The following USPL1 variants were observed in gnomAD, a reference collection of about 807,000 sequenced individuals.
USPL1 encodes ubiquitin specific peptidase like 1, also known as SUMO-specific isopeptidase USPL1.
In USPL1, 27 loss-of-function variants were observed where a neutral mutation model predicts 51.5. That is an observed-to-expected ratio of 0.52 (90% confidence interval 0.39 to 0.72). USPL1 has a LOEUF of 0.72. Ranked by LOEUF, USPL1 falls within the 30% of genes least tolerant of loss-of-function variation. USPL1 has a pLI of 0.00. For synonymous variants in USPL1, 451 were observed against 459.6 expected, an observed-to-expected ratio of 0.98 and a Z score of 0.24; for missense variants, 1,226 against 1,268.0, an observed-to-expected ratio of 0.97 and a Z score of 0.50.
chr13:30,634,481 T>A (rs1446316162), intron 4 of USPL1, among the ~76,000 whole-genome samples: 1 of 152,234 alleles, frequency 6.6e-6, no homozygotes, highest in East Asian at 1.9e-4. Context: ...TAATTTAGTT[T>A]GTTTTGATCT....
chr13:30,646,900 G>A lies in USPL1; in HGVS notation c.1113-32G>A, dbSNP rs761290630. The A allele has an allele frequency of 4.2e-5, 66 of 1,589,932 alleles. No individual in the cohort carries two copies. In the Admixed American group the frequency reaches 8.2e-4, roughly 20 times the overall value. ...TTAAATTAATGTAAATGCATTTAAC[G>A]TTAATGAATTTGTTATGTCATTTTT... On this transcript the variant is annotated intron_variant, in intron 6 of 8. Coordinates refer to ENST00000255304, the MANE Select transcript of USPL1 (RefSeq NM_005800.5).
rs1352526986 is a variant in USPL1, at chr13:30,659,144, G to T, written c.3067G>T (p.Asp1023Tyr). Residue 1023 changes from aspartate (D) to tyrosine (Y), a missense_variant, in exon 9 of 9, where the codon GAC becomes TAC. Asp to Tyr is a radical substitution (Grantham distance 160, BLOSUM62 -3). Coordinates refer to ENST00000255304, the MANE Select transcript of USPL1 (RefSeq NM_005800.5). ...DVSQNTHLRQ[D>Y]HNYCSPTKKN... ...TTCCCAGAACACACATCTGAGACAG[G>T]ACCATAATTATTGTAGCCCCACCAA... 1 of 1,614,018 alleles carries T rather than the reference G, an allele frequency of 6.2e-7. No individual in the cohort carries two copies. The highest frequency in any genetic ancestry group is 1.3e-5 in the African/African-American group (1 of 74,978).
intron 3 of USPL1, among the ~76,000 whole-genome samples, chr13:30,624,627 A>C (rs1950687943): frequency 6.6e-6 from 1 of 152,102 alleles, no homozygotes; most frequent in South Asian, 2.1e-4. Flanking sequence ...GTCTCTATTA[A>C]AAGAAAAAAA....
chr13:30,658,900 GC>G lies in USPL1; in HGVS notation c.2824del (p.Leu942TyrfsTer31). 6.2e-7 allele frequency: 1 copy of G among 1,614,160 alleles called. No homozygotes were observed. The highest frequency in any genetic ancestry group is 1.1e-5 in the South Asian group (1 of 91,086). On this transcript the variant is annotated frameshift_variant, in exon 9 of 9. Coordinates refer to ENST00000255304, the MANE Select transcript of USPL1 (RefSeq NM_005800.5). LOFTEE classifies it low-confidence loss of function (END_TRUNC). ...CESIEDLLNE[L>X]PYPIDIASES... Reference sequence around the variant, plus strand: ...AATCAATAGAGGACTTGTTAAATGAGCTACCATATCCAATTGATATTGCCAG... The same window carrying G: ...AATCAATAGAGGACTTGTTAAATGAGTACCATATCCAATTGATATTGCCAG...
rs1006151436 is a variant in USPL1, at chr13:30,639,128, A to G, written c.982+1271A>G. Reference sequence around the variant, plus strand: ...CTACTCGGGAGGCTGAGGCAGGAGAATCGCTTGAACTTGGGAGACAGAGGT... The same window carrying G: ...CTACTCGGGAGGCTGAGGCAGGAGAGTCGCTTGAACTTGGGAGACAGAGGT... On this transcript the variant is annotated intron_variant, in intron 5 of 8. Coordinates refer to ENST00000255304, the MANE Select transcript of USPL1 (RefSeq NM_005800.5). Among the ~76,000 whole-genome samples the G allele has an allele frequency of 1.4e-3, 215 of 151,544 alleles. 1 individual carries two copies. The highest frequency in any genetic ancestry group is 5.1e-3 in the African/African-American group (210 of 41,420).
intron 8 of USPL1, among the ~76,000 whole-genome samples, chr13:30,655,363 A>G (rs975234194): frequency 5.9e-5 from 9 of 152,234 alleles, no homozygotes; most frequent in African/African-American, 2.2e-4. Flanking sequence ...ATACCTTAAC[A>G]TTAACCAGCC....
At chr13:30,631,549 G>C (rs1334236362) in intron 4 of USPL1, 75 bp downstream of exon 4, 3 of 1,388,710 alleles carry the variant, frequency 2.2e-6, no homozygotes, top group Non-Finnish European at 2.9e-6. Flanking sequence ...CACCCAGGCT[G>C]GAGTGCAGTG....
chr13:30,655,027 C>T (rs974057161), intron 8 of USPL1, among the ~76,000 whole-genome samples: 2 of 151,880 alleles, frequency 1.3e-5, no homozygotes, highest in African/African-American at 4.8e-5. Context: ...CCACGTCTGC[C>T]TCCCGGGTTC....
chr13:30,629,820 T>A (rs910326798), intron 3 of USPL1, among the ~76,000 whole-genome samples: 4 of 152,080 alleles, frequency 2.6e-5, no homozygotes, highest in Non-Finnish European at 5.9e-5. Context: ...TCAAAGCTAG[T>A]CACAGGGCCA....
chr13:30,618,395 TTTG>T (rs1276156299), intron 1 of USPL1, among the ~76,000 whole-genome samples: 1 of 151,942 alleles, frequency 6.6e-6, no homozygotes, highest in Non-Finnish European at 1.5e-5. Flanking sequence ...GACAGTTGGG[TTTG>T]GTACCTGACA....
At chr13:30,645,315 A>G (rs950157152) in intron 6 of USPL1, among the ~76,000 whole-genome samples, 1 of 152,196 alleles carries the variant, frequency 6.6e-6, no homozygotes, top group Non-Finnish European at 1.5e-5. Flanking sequence ...ATCTTTGCCA[A>G]ATTTACTAAT....
intron 4 of USPL1, among the ~76,000 whole-genome samples, chr13:30,633,671 G>A (rs557510728): frequency 1.3e-5 from 2 of 151,436 alleles, no homozygotes; most frequent in South Asian, 4.2e-4. Flanking sequence ...ACTCTGGGAG[G>A]TTGAGGCAGG....
chr13:30,625,858 TA>T (rs1306860963), intron 3 of USPL1, among the ~76,000 whole-genome samples: 2 of 152,256 alleles, frequency 1.3e-5, no homozygotes, highest in African/African-American at 2.4e-5. Context: ...AATTTATTAT[TA>T]TTTTTTTAAT....
At position 30,660,132 on chromosome 13, in the gene USPL1, C is replaced by G. The variant is rs1157491249; in HGVS notation, c.*776C>G. ...CAGAGAGGGTAGCTCCTCCCTGTTG[C>G]TGGTCGTCCCACCCTCTGCTCAGTT... On this transcript the variant is annotated 3_prime_UTR_variant, in exon 9 of 9. Transcript: ENST00000255304. 1 of 152,288 alleles carries G rather than the reference C, an allele frequency of 6.6e-6. No homozygotes were observed. The highest frequency in any genetic ancestry group is 2.4e-5 in the African/African-American group (1 of 41,458). 9.4% of individuals were successfully genotyped at this position (152,288 alleles called of 1,614,324 possible).
chr13:30,639,268 G>A (rs1046379668), intron 5 of USPL1, among the ~76,000 whole-genome samples: 11 of 151,526 alleles, frequency 7.3e-5, no homozygotes, highest in African/African-American at 2.2e-4. Context: ...GTGTATGTGC[G>A]TGTGTATATA....
intron 6 of USPL1, among the ~76,000 whole-genome samples, chr13:30,645,338 T>C (rs548342959): frequency 6.6e-6 from 1 of 152,310 alleles, no homozygotes; most frequent in Admixed American, 6.5e-5. Flanking sequence ...GGTAGAGAGA[T>C]AATACACGAA....
Position 30,653,062 on chromosome 13 carries a change from G to A in USPL1, c.1239-86G>A, listed in dbSNP as rs1951111828. On this transcript the variant is annotated intron_variant, in intron 7 of 8. Transcript: ENST00000255304. ...GCAGTTAGCCTTGGAAGTGTTATGTGTGACTAGTTCACTTCAGACATCTTT... is the reference window on the plus strand; with the variant it reads ...GCAGTTAGCCTTGGAAGTGTTATGTATGACTAGTTCACTTCAGACATCTTT... The A allele has an allele frequency of 3.0e-6, 4 of 1,338,990 alleles. No homozygotes were observed. The South Asian group carries it at 6.2e-5, about 21-fold the overall frequency. The allele number at this position is 1,338,990 out of a possible 1,614,324, so 82.9% of individuals were successfully genotyped here.
chr13:30,634,146 CATT>C (rs1156231958), intron 4 of USPL1, among the ~76,000 whole-genome samples: 1 of 152,132 alleles, frequency 6.6e-6, no homozygotes, highest in Non-Finnish European at 1.5e-5. Flanking sequence ...GCTTTGGGGC[CATT>C]ATTAAGTCAA....
intron 1 of USPL1, among the ~76,000 whole-genome samples, chr13:30,619,977 T>C (rs1406825207): frequency 6.6e-6 from 1 of 152,206 alleles, no homozygotes; most frequent in East Asian, 1.9e-4. Context: ...TAGAACAGCC[T>C]TCACAAACAA....
Sources: gnomAD v4.1 joint callset for allele counts (sites outside exome capture counted in the v4.1 genomes callset) on GRCh38, gnomAD v4.1.1 for gene constraint, MANE v1.5 for transcripts, NCBI Gene and HGNC (gene_info 2026-07-23, HGNC 2026-07-21) for gene names.